The following ABHD5 variants were observed in gnomAD, a reference collection of about 807,000 sequenced individuals.
ABHD5 encodes the protein 1-acylglycerol-3-phosphate O-acyltransferase ABHD5.
ABHD5 carries 30 observed loss-of-function variants against 44.9 expected under a neutral mutation model. That is an observed-to-expected ratio of 0.67 (90% CI 0.50 to 0.91). The LOEUF (loss-of-function observed/expected upper bound fraction) is 0.91. Among genes scored for constraint, ABHD5 ranks in the 40% least tolerant of loss-of-function variants. ABHD5 has a pLI of 0.00. For synonymous variants in ABHD5, 167 were observed against 147.0 expected, an observed-to-expected ratio of 1.14 and a Z score of -0.99; for missense variants, 399 against 423.4, an observed-to-expected ratio of 0.94 and a Z score of 0.50.
At chr3:43,690,934 GC>G, upstream of ABHD5, 1 of 1,528,164 alleles carries the variant, frequency 6.5e-7, no homozygotes, top group South Asian at 1.2e-5. Context: ...GCCCGGGGCG[GC>G]CCAGTCGGCC....
downstream of ABHD5, among the ~76,000 whole-genome samples, chr3:43,724,539 A>G (rs1033705499): frequency 7.2e-5 from 11 of 152,228 alleles, no homozygotes; most frequent in African/African-American, 2.7e-4. Flanking sequence ...TGGTAATATT[A>G]GAAGTCACAA....
intron 2 of ABHD5, among the ~76,000 whole-genome samples, chr3:43,700,576 ATTTT>A (rs35935629): frequency 3.5e-5 from 5 of 144,832 alleles, no homozygotes; most frequent in East Asian, 4.0e-4. Flanking sequence ...TCTTTCATGA[ATTTT>A]TTTTTTTTTT....
At chr3:43,695,163 T>C (rs2084457815) in intron 1 of ABHD5, 1 of 152,222 alleles carries the variant, frequency 6.6e-6, no homozygotes, top group Non-Finnish European at 1.5e-5. Context: ...AGTACGCTTT[T>C]TTCTTTTCTT....
chr3:43,732,783 G>A (rs1392109653), intron 7 of ABHD5, among the ~76,000 whole-genome samples: 7 of 152,146 alleles, frequency 4.6e-5, no homozygotes, highest in African/African-American at 1.7e-4. Flanking sequence ...TTGCATGGCC[G>A]CAGTCAAGAT....
At chr3:43,729,776 A>G (rs902415319) in intron 7 of ABHD5, among the ~76,000 whole-genome samples, 1 of 152,196 alleles carries the variant, frequency 6.6e-6, no homozygotes, top group African/African-American at 2.4e-5. Context: ...GCTCAAATAA[A>G]TGTTAGTATA....
intron 3 of ABHD5, chr3:43,707,731 T>G (rs563793692): frequency 1.3e-5 from 2 of 152,566 alleles, no homozygotes; most frequent in South Asian, 2.1e-4. Flanking sequence ...TGGGTTCAAG[T>G]GATTCTCGTG....
intron 7 of ABHD5, among the ~76,000 whole-genome samples, chr3:43,727,800 G>A (rs1475699218): frequency 1.3e-5 from 2 of 152,140 alleles, no homozygotes; most frequent in Non-Finnish European, 2.9e-5. Flanking sequence ...GTAGAAACAG[G>A]GTTTTGCCAT....
chr3:43,695,623 T>C (rs2084464189), intron 1 of ABHD5, among the ~76,000 whole-genome samples: 2 of 152,226 alleles, frequency 1.3e-5, no homozygotes, highest in Non-Finnish European at 2.9e-5. Context: ...TTTCATAATG[T>C]TTATAGATTG....
At chr3:43,701,531 A>G (rs2084542146) in intron 2 of ABHD5, among the ~76,000 whole-genome samples, 1 of 152,206 alleles carries the variant, frequency 6.6e-6, no homozygotes, top group African/African-American at 2.4e-5. Flanking sequence ...TAAAGTATTT[A>G]GTTCCACAAC....
intron 1 of ABHD5, chr3:43,691,395 G>A (rs2084379146): frequency 5.4e-6 from 1 of 186,774 alleles, no homozygotes; most frequent in East Asian, 1.4e-4. Flanking sequence ...TCTGCCAAGG[G>A]ACCCGGCCTG....
At chr3:43,708,157 C>A (rs1253170946) in intron 3 of ABHD5, among the ~76,000 whole-genome samples, 1 of 152,188 alleles carries the variant, frequency 6.6e-6, no homozygotes, top group Non-Finnish European at 1.5e-5. Flanking sequence ...TTGTATATTT[C>A]AAAACTGATG....
intron 7 of ABHD5, among the ~76,000 whole-genome samples, chr3:43,728,050 G>A (rs935328391): frequency 7.2e-5 from 11 of 151,958 alleles, no homozygotes; most frequent in African/African-American, 1.7e-4. Context: ...TTTGACTTTC[G>A]CTGACCTCAC....
chr3:43,730,648 G>A (rs959968528), intron 7 of ABHD5, among the ~76,000 whole-genome samples: 3 of 151,842 alleles, frequency 2.0e-5, no homozygotes, highest in Non-Finnish European at 4.4e-5. Context: ...TAGGACCATA[G>A]GCACATGTCA....
rs547848182 is a variant in ABHD5, at chr3:43,692,546, C to G, written c.47+1507C>G. 5.9e-5 allele frequency among the ~76,000 whole-genome samples: 9 copies of G among 152,278 alleles called. No individual in the cohort carries two copies. The South Asian group carries it at 1.9e-3, about 32-fold the overall frequency. ...GATTAAAAAATCCTTAGCAGCTGAT[C>G]AGCCATAGTTTCTAGACAGAAGTGG... On this transcript the variant is annotated intron_variant, in intron 1 of 6. Coordinates refer to ENST00000644371, the MANE Select transcript of ABHD5 (RefSeq NM_016006.6).
Position 43,720,835 on chromosome 3 carries a change from C to T in ABHD5, c.*2303C>T, listed in dbSNP as rs539609211. The T allele has an allele frequency of 1.3e-4, 19 of 151,802 alleles. No individual in the cohort carries two copies. In the South Asian group the frequency reaches 2.5e-3, roughly 20 times the overall value. 9.4% of individuals were successfully genotyped at this position (151,802 alleles called of 1,614,324 possible). ...GGAAGGCTACTCTGGGTGTTGTGGCCGCCATACATGGCTTTACCTGGGTCC... is the reference window on the plus strand; with the variant it reads ...GGAAGGCTACTCTGGGTGTTGTGGCTGCCATACATGGCTTTACCTGGGTCC... On this transcript the variant is annotated 3_prime_UTR_variant, in exon 7 of 7. Coordinates refer to ENST00000644371, the MANE Select transcript of ABHD5 (RefSeq NM_016006.6).
At chr3:43,714,158 G>A (rs1484781867) in intron 4 of ABHD5, among the ~76,000 whole-genome samples, 11 of 140,622 alleles carry the variant, frequency 7.8e-5, no homozygotes, top group African/African-American at 2.7e-4. Context: ...TTTTTGAGAC[G>A]GAGTCTCGCT....
At position 43,718,478 on chromosome 3, in the gene ABHD5, T is replaced by G. The variant is rs1452447985; in HGVS notation, c.996T>G (p.Asp332Glu). The G allele has an allele frequency of 6.2e-7, 1 of 1,614,018 alleles. No homozygotes were observed. Among genetic ancestry groups the G allele is most frequent in the African/African-American group, 1.3e-5 (1 of 74,930 alleles). The part of the protein sequence containing the change: ...ILGAGHYVYA[D>E]QPEEFNQKVK... ...GGGCAGGACATTATGTATATGCAGA[T>G]CAACCAGAAGAATTCAACCAGAAAG... Residue 332 changes from aspartate (D) to glutamate (E), a missense_variant, in exon 7 of 7, where the codon GAT (aspartate) becomes GAG (glutamate). Coordinates refer to ENST00000644371, the MANE Select transcript of ABHD5 (RefSeq NM_016006.6).
At chr3:43,712,823 C>T (rs1226864743) in intron 4 of ABHD5, among the ~76,000 whole-genome samples, 2 of 151,922 alleles carry the variant, frequency 1.3e-5, no homozygotes, top group East Asian at 1.9e-4. Context: ...AATAAAAGCA[C>T]GAAAAATGGT....
chr3:43,729,895 G>A (rs1006215862), intron 7 of ABHD5, among the ~76,000 whole-genome samples: 1 of 152,158 alleles, frequency 6.6e-6, no homozygotes, highest in Non-Finnish European at 1.5e-5. Context: ...TCTGTCTATG[G>A]TTCCTTTGTG....
Sources: gnomAD v4.1 joint callset for allele counts (sites outside exome capture counted in the v4.1 genomes callset) on GRCh38, gnomAD v4.1.1 for gene constraint, MANE v1.5 for transcripts, NCBI Gene and HGNC (gene_info 2026-07-23, HGNC 2026-07-21) for gene names.